Variants in CPED1 observed in about 807,000 individuals in gnomAD.
The protein encoded by CPED1 is cadherin like and PC-esterase domain containing 1.
In CPED1, 114 loss-of-function variants were observed where a neutral mutation model predicts 128.2. That is an observed-to-expected ratio of 0.89 (90% CI 0.76 to 1.04). CPED1 has a LOEUF of 1.04. Among genes scored for constraint, CPED1 ranks in the 50% least tolerant of loss-of-function variants. The pLI is 0.00. For missense variants in CPED1, 1,211 were observed against 1,207.1 expected (o/e 1.00, Z -0.05); for synonymous variants, 462 against 426.7 (o/e 1.08, Z -1.02).
intron 4 of CPED1, chr7:121,050,793 G>A: frequency 2.2e-6 from 1 of 457,666 alleles, no homozygotes; most frequent in South Asian, 1.6e-5. Flanking sequence ...TTTCTGGTGG[G>A]TCTCAGCAGC....
At position 121,141,005 on chromosome 7, in the gene CPED1, A is replaced by C. The variant is rs151186931; in HGVS notation, c.1878A>C (p.Ala626=). ...CLCKVHLYEQ[A]GPSFASYPLG... ...GCAAGGTGCACCTGTACGAGCAGGCAGGGCCAAGGTATGAGATGTTGACTG... is the reference window on the plus strand; with the variant it reads ...GCAAGGTGCACCTGTACGAGCAGGCCGGGCCAAGGTATGAGATGTTGACTG... The change falls in exon 15 of 23, where the codon GCA becomes GCC. Residue 626 remains alanine, a synonymous_variant. Transcript: ENST00000310396. 127 of 1,609,324 alleles carry C rather than the reference A, an allele frequency of 7.9e-5. No homozygotes were observed. In the African/African-American group the frequency reaches 1.2e-3, roughly 16 times the overall value.
intron 16 of CPED1, among the ~76,000 whole-genome samples, chr7:121,236,252 A>T (rs1390173094): frequency 2.0e-5 from 3 of 152,182 alleles, no homozygotes; most frequent in Non-Finnish European, 4.4e-5. Flanking sequence ...TAAATATAAG[A>T]ATGTGCTTTG....
intron 18 of CPED1, among the ~76,000 whole-genome samples, chr7:121,244,664 G>C (rs555405620): frequency 5.9e-5 from 9 of 152,310 alleles, no homozygotes; most frequent in South Asian, 4.1e-4. Context: ...TGGCAGTTGA[G>C]AGCAGCTGGC....
chr7:121,225,464 T>G (rs9769848), intron 16 of CPED1, among the ~76,000 whole-genome samples: 150,096 of 152,150 alleles, frequency 0.99, 74,070 homozygotes, highest in Middle Eastern at 1. Context: ...TCTTGGGGTT[T>G]CTCTTCTTGA....
chr7:121,138,950 T>A (rs1795840615), intron 14 of CPED1, among the ~76,000 whole-genome samples: 1 of 152,020 alleles, frequency 6.6e-6, no homozygotes, highest in Non-Finnish European at 1.5e-5. Flanking sequence ...AACGGAGAAA[T>A]TTCTGGAGAA....
chr7:121,122,095 C>G, intron 7 of CPED1, among the ~76,000 whole-genome samples: 1 of 151,282 alleles, frequency 6.6e-6, no homozygotes, highest in East Asian at 1.9e-4. Flanking sequence ...GTTTGCTTGC[C>G]ACTATACTGA....
intron 3 of CPED1, among the ~76,000 whole-genome samples, chr7:121,018,940 G>C (rs1438992094): frequency 6.6e-6 from 1 of 151,936 alleles, no homozygotes; most frequent in Admixed American, 6.6e-5. Flanking sequence ...TTTCCAGCTT[G>C]GAGTCATTCT....
chr7:121,089,876 T>A (rs1189707866), intron 5 of CPED1, among the ~76,000 whole-genome samples: 1 of 152,166 alleles, frequency 6.6e-6, no homozygotes, highest in Non-Finnish European at 1.5e-5. Context: ...TTTAAAAAAA[T>A]GTCATTTCCC....
intron 3 of CPED1, 132 bp downstream of exon 3, chr7:121,015,980 C>A: frequency 1.8e-6 from 1 of 544,248 alleles, no homozygotes; most frequent in Non-Finnish European, 2.9e-6. Flanking sequence ...TTTCTCACAT[C>A]ATAGAAAACT....
chr7:121,291,919 A>G (rs1792710721), intron 22 of CPED1, among the ~76,000 whole-genome samples: 1 of 152,194 alleles, frequency 6.6e-6, no homozygotes, highest in African/African-American at 2.4e-5. Context: ...CCCATTCAGT[A>G]TGATACTGGC....
chr7:121,285,613 C>T (rs1199647863), intron 22 of CPED1, among the ~76,000 whole-genome samples: 2 of 152,196 alleles, frequency 1.3e-5, no homozygotes, highest in Non-Finnish European at 2.9e-5. Context: ...TGCCACCAGT[C>T]TCTTTGCTAA....
chr7:121,043,588 C>T (rs1400363719), intron 3 of CPED1, among the ~76,000 whole-genome samples: 2 of 152,126 alleles, frequency 1.3e-5, no homozygotes, highest in Non-Finnish European at 1.5e-5. Context: ...ACCTGGAACA[C>T]TCTATTTTAT....
rs948783529 is a variant in CPED1 at position 121,015,774 on chromosome 7, C to T, written c.359C>T (p.Thr120Ile). The T allele has an allele frequency of 6.2e-7, 1 of 1,611,404 alleles. No individual in the cohort carries two copies. The highest frequency in any genetic ancestry group is 1.3e-5 in the African/African-American group (1 of 74,754). The change falls in exon 3 of 23, where the codon ACT becomes ATT. Residue 120 changes from threonine to isoleucine, a missense_variant. By Grantham distance (89) the Thr-to-Ile change is moderately conservative. Transcript: ENST00000310396. Reference protein sequence around the residue: ...TELQLHQHILTQHGYTVVIAE... With the variant: ...TELQLHQHILIQHGYTVVIAE... The stretch of plus-strand genomic sequence containing the variant: ...CTTCAGCTACACCAGCACATTCTGA[C>T]TCAACATGGCTATACGGTTGTCATC...
chr7:121,154,836 G>A (rs925517394), intron 16 of CPED1, among the ~76,000 whole-genome samples: 5 of 152,250 alleles, frequency 3.3e-5, no homozygotes, highest in South Asian at 2.1e-4. Context: ...GAGCCACCGC[G>A]CCCGGCCTAG....
chr7:121,274,658 G>A (rs1209665740), intron 22 of CPED1, among the ~76,000 whole-genome samples: 2 of 151,954 alleles, frequency 1.3e-5, no homozygotes, highest in Non-Finnish European at 1.5e-5. Flanking sequence ...CATTACTTAG[G>A]CATAATTATT....
chr7:121,203,584 A>G (rs1205185544), intron 16 of CPED1, among the ~76,000 whole-genome samples: 2 of 151,932 alleles, frequency 1.3e-5, no homozygotes, highest in Non-Finnish European at 2.9e-5. Flanking sequence ...TAGGATGCCA[A>G]TTGCTCTCAG....
chr7:120,995,963 CCTCCTCCTTCTT>C (rs1397755301), intron 2 of CPED1, among the ~76,000 whole-genome samples: 4 of 126,756 alleles, frequency 3.2e-5, no homozygotes, highest in East Asian at 4.1e-4. Flanking sequence ...TCCTCCTCCT[CCTCCTCCTTCTT>C]CTTCTTCTTC....
At chr7:121,057,200 G>A (rs1014170108) in intron 4 of CPED1, among the ~76,000 whole-genome samples, 1 of 151,984 alleles carries the variant, frequency 6.6e-6, no homozygotes, top group East Asian at 1.9e-4. Flanking sequence ...GGCTGTTCTC[G>A]AACTTCTGAC....
At chr7:121,165,451 AT>A (rs1646970884) in intron 16 of CPED1, among the ~76,000 whole-genome samples, 1 of 152,196 alleles carries the variant, frequency 6.6e-6, no homozygotes, top group Non-Finnish European at 1.5e-5. Context: ...TAAGGACACA[AT>A]TTTGTATGAG....
Sources: allele counts gnomAD v4.1 joint callset (sites outside exome capture counted in the v4.1 genomes callset), GRCh38; gene constraint gnomAD v4.1.1; transcripts MANE v1.5; gene names NCBI Gene and HGNC (gene_info 2026-07-23, HGNC 2026-07-21).